DOCK9: variants seen among roughly 807,000 people sequenced by gnomAD.
DOCK9 encodes the protein dedicator of cytokinesis protein 9.
In DOCK9, 89 loss-of-function variants were observed where a neutral mutation model predicts 263.3. The ratio of observed to expected loss-of-function variants is 0.34; its 90% CI spans 0.28 to 0.40. The LOEUF is 0.40. DOCK9 is among the 10% of genes least tolerant of loss of function. DOCK9 has a pLI of 1.00. For missense variants in DOCK9, 2,140 were observed against 2,603.4 expected (o/e 0.82, Z 3.87); for synonymous variants, 976 against 973.1 (o/e 1.00, Z -0.06).
intron 1 of DOCK9, among the ~76,000 whole-genome samples, chr13:99,054,562 G>T (rs551115162): frequency 1.3e-5 from 2 of 152,238 alleles, no homozygotes; most frequent in Admixed American, 1.3e-4. Context: ...GTTAGTTGTT[G>T]GTTGGACAGG....
At chr13:99,060,293 G>A (rs2041129730) in intron 1 of DOCK9, among the ~76,000 whole-genome samples, 1 of 151,734 alleles carries the variant, frequency 6.6e-6, no homozygotes, top group Non-Finnish European at 1.5e-5. Flanking sequence ...TAGCCAGGAT[G>A]GTCTCGATCT....
chr13:98,893,315 A>G (rs529636070), intron 15 of DOCK9, among the ~76,000 whole-genome samples: 2 of 152,332 alleles, frequency 1.3e-5, no homozygotes, highest in African/African-American at 4.8e-5. Context: ...ACGTAGTACC[A>G]TTAAAAAGGT....
In DOCK9 at chr13:98,902,286, A is replaced by G. The variant is rs774010580; in HGVS notation, c.1380+2T>C. 1.9e-6 allele frequency: 3 copies of G among 1,613,252 alleles called. No homozygotes were observed. The highest frequency in any genetic ancestry group is 2.5e-6 in the Non-Finnish European group (3 of 1,179,686). ...TGGGAATGCTGGGCTCATACTCCCC[A>G]CCTGCTTCGGATACTGCATGGCGGC... On this transcript the variant is annotated splice_donor_variant, in intron 12 of 52. Transcript: ENST00000682017. LOFTEE classifies it high-confidence loss of function.
chr13:99,030,756 T>G (rs1887248488), intron 1 of DOCK9, among the ~76,000 whole-genome samples: 1 of 152,168 alleles, frequency 6.6e-6, no homozygotes, highest in African/African-American at 2.4e-5. Context: ...TGTACATCAC[T>G]GAAATTGTGC....
chr13:99,079,923 C>A (rs929761794), intron 1 of DOCK9, among the ~76,000 whole-genome samples: 1 of 152,152 alleles, frequency 6.6e-6, no homozygotes, highest in Non-Finnish European at 1.5e-5. Context: ...GCCTGTAATT[C>A]CAGCTACCTG....
intron 49 of DOCK9, 97 bp downstream of exon 49, chr13:98,804,902 C>G: frequency 7.4e-7 from 1 of 1,342,660 alleles, no homozygotes; most frequent in East Asian, 2.5e-5. Flanking sequence ...TAACTGAGCT[C>G]GAAAGACCCT....
At chr13:98,958,555 G>T (rs1249510645) in intron 1 of DOCK9, among the ~76,000 whole-genome samples, 1 of 152,222 alleles carries the variant, frequency 6.6e-6, no homozygotes, top group African/African-American at 2.4e-5. Context: ...CTGCCATTGC[G>T]GCACAAAAGC....
chr13:98,801,227 G>T (rs1304392770), intron 49 of DOCK9, among the ~76,000 whole-genome samples: 1 of 152,214 alleles, frequency 6.6e-6, no homozygotes, highest in East Asian at 1.9e-4. Flanking sequence ...CAAAGCTGCA[G>T]TGAGCTGTGA....
chr13:98,936,650 A>AG, intron 2 of DOCK9, among the ~76,000 whole-genome samples: 1 of 151,350 alleles, frequency 6.6e-6, no homozygotes, highest in Non-Finnish European at 1.5e-5. Flanking sequence ...AAGAAAGAAA[A>AG]GAATGAATAA....
At chr13:98,890,080 G>A (rs544922880) in intron 15 of DOCK9, among the ~76,000 whole-genome samples, 10 of 152,028 alleles carry the variant, frequency 6.6e-5, no homozygotes, top group East Asian at 3.9e-4. Context: ...AAATTTCATC[G>A]TATTGTGTTT....
At chr13:98,828,155 C>T (rs1343017729) in intron 43 of DOCK9, among the ~76,000 whole-genome samples, 1 of 152,228 alleles carries the variant, frequency 6.6e-6, no homozygotes, top group Non-Finnish European at 1.5e-5. Context: ...GGCATGGAAC[C>T]AGTTCTCCCC....
chr13:98,844,726 C>T (rs61968715), intron 38 of DOCK9, among the ~76,000 whole-genome samples: 18 of 151,982 alleles, frequency 1.2e-4, no homozygotes, highest in African/African-American at 3.9e-4. Context: ...TCATAATGCC[C>T]ACGTTGCTGG....
upstream of DOCK9, among the ~76,000 whole-genome samples, chr13:99,087,228 C>G (rs928187409): frequency 6.6e-6 from 1 of 152,136 alleles, no homozygotes; most frequent in Non-Finnish European, 1.5e-5. Context: ...CCGTTCAGTC[C>G]CCGGAGGCAC....
chr13:99,043,971 T>G (rs1450333987), intron 1 of DOCK9, among the ~76,000 whole-genome samples: 2 of 152,168 alleles, frequency 1.3e-5, no homozygotes, highest in African/African-American at 4.8e-5. Flanking sequence ...AATAAAAGTT[T>G]GCTGAATGAA....
intron 1 of DOCK9, among the ~76,000 whole-genome samples, chr13:98,998,229 G>C (rs1881486070): frequency 6.6e-6 from 1 of 152,100 alleles, no homozygotes; most frequent in Non-Finnish European, 1.5e-5. Flanking sequence ...AGGGCAGCAA[G>C]GTCCGGGCAC....
At chr13:98,930,309 C>G (rs2053711292) in intron 2 of DOCK9, 52 bp from the exon 3 acceptor site, 3 of 1,503,200 alleles carry the variant, frequency 2.0e-6, no homozygotes, top group Admixed American at 1.9e-5. Flanking sequence ...GAGGCAGGTG[C>G]CAGCCTCAGA....
At chr13:98,808,745 C>T (rs1410352159) in intron 47 of DOCK9, 4 of 956,364 alleles carry the variant, frequency 4.2e-6, no homozygotes, top group Non-Finnish European at 6.5e-6. Flanking sequence ...AACCACACGC[C>T]CTAAATATAT....
At chr13:98,913,509 G>A (rs2050399464) in intron 9 of DOCK9, among the ~76,000 whole-genome samples, 1 of 152,140 alleles carries the variant, frequency 6.6e-6, no homozygotes, top group South Asian at 2.1e-4. Flanking sequence ...TTTTTAAAGT[G>A]CAGAATACAT....
At chr13:98,813,869 G>T (rs1270322206) in intron 45 of DOCK9, among the ~76,000 whole-genome samples, 2 of 152,070 alleles carry the variant, frequency 1.3e-5, no homozygotes, top group Admixed American at 6.6e-5. Flanking sequence ...TTAAACTCCC[G>T]ACCTCAGGTG....
Sources: gnomAD v4.1 joint callset for allele counts (sites outside exome capture counted in the v4.1 genomes callset) on GRCh38, gnomAD v4.1.1 for gene constraint, MANE v1.5 for transcripts, NCBI Gene and HGNC (gene_info 2026-07-23, HGNC 2026-07-21) for gene names.